DDX24: variants seen among roughly 807,000 people sequenced by gnomAD.
The protein encoded by DDX24 is DEAD-box helicase 24.
In DDX24, 24 loss-of-function variants were observed where a neutral mutation model predicts 68.9. That is an observed-to-expected ratio of 0.35 (90% CI 0.25 to 0.49). The LOEUF is 0.49. Ranked by LOEUF, DDX24 falls within the 20% of genes least tolerant of loss-of-function variation. The probability of loss-of-function intolerance (pLI) is 0.99; values close to 1 mark genes in which losing one functional copy is unlikely to be tolerated. For missense variants in DDX24, 989 were observed against 1,039.0 expected (o/e 0.95, Z 0.66); for synonymous variants, 395 against 385.2 (o/e 1.03, Z -0.30).
intron 2 of DDX24, among the ~76,000 whole-genome samples, chr14:94,072,314 G>A (rs775975861): frequency 1.3e-4 from 20 of 152,222 alleles, no homozygotes; most frequent in Non-Finnish European, 2.8e-4. Flanking sequence ...ACCTGGATGA[G>A]ACTGGAGACT....
At position 94,048,794 on chromosome 14, in the gene DDX24, T is replaced by C. The variant is rs1885332085; in HGVS notation, c.*2397A>G. Reference sequence around the variant, plus strand: ...CAAACACATCACCACCCTGAGCAGATACAGGAGTGGGGAGGGGGCTGTAAC... The same window carrying C: ...CAAACACATCACCACCCTGAGCAGACACAGGAGTGGGGAGGGGGCTGTAAC... On this transcript the variant is annotated 3_prime_UTR_variant, in exon 9 of 9. Coordinates refer to ENST00000621632, the MANE Select transcript of DDX24 (RefSeq NM_020414.4). The C allele has an allele frequency of 6.6e-6, 1 of 152,188 alleles. No individual in the cohort carries two copies. The highest frequency in any genetic ancestry group is 1.5e-5 in the Non-Finnish European group (1 of 68,064). The allele number at this position is 152,188 out of a possible 1,614,324, so 9.4% of individuals were successfully genotyped here. A position where few individuals can be genotyped will look rare whatever the true frequency, so the allele number is the denominator to read the frequency against.
intron 5 of DDX24, among the ~76,000 whole-genome samples, chr14:94,059,428 G>A: frequency 6.6e-6 from 1 of 152,078 alleles, no homozygotes; most frequent in East Asian, 1.9e-4. Flanking sequence ...AGAAACCTTG[G>A]GCACACTGAT....
intron 6 of DDX24, chr14:94,056,906 G>A (rs1455749075): frequency 6.6e-6 from 1 of 152,100 alleles, no homozygotes; most frequent in Non-Finnish European, 1.5e-5. Flanking sequence ...GAGAGAATGG[G>A]AAAAAGCACT....
chr14:94,066,212 T>C (rs1406756014), intron 2 of DDX24, among the ~76,000 whole-genome samples: 3 of 152,124 alleles, frequency 2.0e-5, no homozygotes, highest in Admixed American at 2.0e-4. Context: ...GTGAGGCCCA[T>C]GACTGCTGGC....
intron 2 of DDX24, among the ~76,000 whole-genome samples, chr14:94,063,616 C>T (rs553767089): frequency 5.9e-5 from 9 of 152,178 alleles, no homozygotes; most frequent in African/African-American, 1.7e-4. Flanking sequence ...ACAGTAACTA[C>T]GTAGGTAAAT....
At chr14:94,069,863 G>A (rs1161980770) in intron 2 of DDX24, among the ~76,000 whole-genome samples, 1 of 152,100 alleles carries the variant, frequency 6.6e-6, no homozygotes, top group African/African-American at 2.4e-5. Context: ...ACACCTTAAT[G>A]TAATAAAAGC....
Position 94,053,060 on chromosome 14 carries a change from T to C in DDX24, c.2246A>G (p.Asn749Ser). Residue 749 changes from asparagine (N) to serine (S), a missense_variant, in exon 8 of 9, where the codon AAC becomes AGC. Physicochemically the swap from Asn to Ser is conservative, Grantham distance 46. This residue lies in a region of DDX24 where 691 missense variants were observed against 760.0 expected (regional missense o/e 0.91). Coordinates refer to ENST00000621632, the MANE Select transcript of DDX24 (RefSeq NM_020414.4). ...AGCTGCTGCCTGCTCAATCCAAGAGTTGTGCAGGCAAGCCTGGAAGTTCCG... is the reference window on the plus strand; with the variant it reads ...AGCTGCTGCCTGCTCAATCCAAGAGCTGTGCAGGCAAGCCTGGAAGTTCCG... The part of the protein sequence containing the change: ...EYRNFQACLH[N>S]SWIEQAAAAL... 1 of 1,614,092 alleles carries C rather than the reference T, an allele frequency of 6.2e-7. No homozygotes were observed. Among genetic ancestry groups the C allele is most frequent in the Non-Finnish European group, 8.5e-7 (1 of 1,180,000 alleles).
At chr14:94,061,108 T>C (rs1339561568) in intron 3 of DDX24, 42 bp from the exon 4 acceptor site, 2 of 1,606,014 alleles carry the variant, frequency 1.2e-6, no homozygotes, top group Admixed American at 1.7e-5. Context: ...TCAATCTGGG[T>C]GATCATTTTC....
chr14:94,067,765 G>GT (rs1885734060), intron 2 of DDX24, among the ~76,000 whole-genome samples: 1 of 152,096 alleles, frequency 6.6e-6, no homozygotes, highest in Non-Finnish European at 1.5e-5. Context: ...AGATACAATT[G>GT]TTTTCAGATA....
Position 94,060,158 on chromosome 14 carries a change from T to C in DDX24, c.1853A>G (p.His618Arg). 6.2e-7 allele frequency: 1 copy of C among 1,614,194 alleles called. No individual in the cohort carries two copies. The highest frequency in any genetic ancestry group is 8.5e-7 in the Non-Finnish European group (1 of 1,180,030). Residue 618 changes from histidine to arginine, a missense_variant, in exon 5 of 9, where the codon CAT becomes CGT. Physicochemically the swap from His to Arg is conservative, Grantham distance 29 (BLOSUM62 0). Around this residue, in one of 3 missense-constraint regions of DDX24, gnomAD observed 691 missense variants for 760.0 expected, o/e 0.91. Coordinates refer to ENST00000621632, the MANE Select transcript of DDX24 (RefSeq NM_020414.4). ...CCTCTGCTTCTGGTGCATACAGGCA[T>C]GCAGGGTCAAGGGCATGATATCAAG... Reference protein sequence around the residue: ...KVLDIMPLTLHACMHQKQRLR... With the variant: ...KVLDIMPLTLRACMHQKQRLR...
At chr14:94,058,902 A>G (rs531814277) in intron 5 of DDX24, among the ~76,000 whole-genome samples, 11 of 152,364 alleles carry the variant, frequency 7.2e-5, no homozygotes, top group Admixed American at 2.6e-4. Context: ...TTGACAATAC[A>G]TAAATGGGTC....
At chr14:94,072,784 G>A (rs980662887) in intron 2 of DDX24, among the ~76,000 whole-genome samples, 6 of 152,094 alleles carry the variant, frequency 3.9e-5, no homozygotes, top group African/African-American at 1.4e-4. Flanking sequence ...AGCTGAGATA[G>A]CACTACTGCA....
rs533701768 is a variant in DDX24, at chr14:94,070,487, T to C, written c.719-7866A>G. 7.2e-5 allele frequency among the ~76,000 whole-genome samples: 11 copies of C among 152,292 alleles called. No individual in the cohort carries two copies. The South Asian group carries it at 2.3e-3, about 32-fold the overall frequency. On this transcript the variant is annotated intron_variant, in intron 2 of 8. Transcript: ENST00000621632. ...TCTCATCAAAATACCACCATCATTC[T>C]TCACAGAATTAGAAAAAACAATTCT...
In DDX24 at chr14:94,062,206, G is replaced by A. The variant is rs1214296198; in HGVS notation, c.1134C>T (p.Ala378=). The change falls in exon 3 of 9, where the codon GCC becomes GCT. Residue 378 remains alanine (A), a synonymous_variant. Coordinates refer to ENST00000621632, the MANE Select transcript of DDX24 (RefSeq NM_020414.4). Reference sequence around the variant, plus strand: ...GACGCTTTGGATATGCCTTACAGGTGGCGCTTTTGTCATCCAACTCCTGTT... The same window carrying A: ...GACGCTTTGGATATGCCTTACAGGTAGCGCTTTTGTCATCCAACTCCTGTT... ...NLKQELDDKS[A]TCKAYPKRPL... is the part of the protein sequence containing the mutation. 1.2e-6 allele frequency: 2 copies of A among 1,614,088 alleles called. No homozygotes were observed. Among genetic ancestry groups the A allele is most frequent in the Non-Finnish European group, 1.7e-6 (2 of 1,180,024 alleles).
chr14:94,058,275 A>C (rs745350619), intron 5 of DDX24, among the ~76,000 whole-genome samples: 10 of 152,124 alleles, frequency 6.6e-5, no homozygotes, highest in Admixed American at 1.3e-4. Flanking sequence ...TTCCCCAAAC[A>C]AACCAAGCAT....
chr14:94,062,890 G>A (rs1381733256), intron 2 of DDX24, among the ~76,000 whole-genome samples: 3 of 152,214 alleles, frequency 2.0e-5, no homozygotes, highest in Non-Finnish European at 4.4e-5. Flanking sequence ...ACAATAAAGA[G>A]AGAAAGGGCA....
rs1886014527 is a variant in DDX24, at chr14:94,079,488, C to T, written c.255G>A (p.Glu85=). 6.2e-7 allele frequency: 1 copy of T among 1,613,964 alleles called. No homozygotes were observed. Among genetic ancestry groups the T allele is most frequent in the Admixed American group, 1.7e-5 (1 of 60,022 alleles). Residue 85 remains glutamate, a synonymous_variant, in exon 2 of 9, where the codon GAG becomes GAA. Transcript: ENST00000621632. ...AGCTAGACTTTCCCTCCTCCTCCTCCTCTTCTTCTGAAACAGCTTGTGCCT... is the reference window on the plus strand; with the variant it reads ...AGCTAGACTTTCCCTCCTCCTCCTCTTCTTCTTCTGAAACAGCTTGTGCCT... ...KRKAQAVSEE[E]EEEEGKSSSP... is the part of the protein sequence containing the mutation.
intron 6 of DDX24, chr14:94,057,246 G>A (rs1308338955): frequency 6.6e-6 from 1 of 152,188 alleles, no homozygotes; most frequent in Non-Finnish European, 1.5e-5. Context: ...ATTTTATGCT[G>A]ATATTCACTA....
At chr14:94,053,470 A>G in intron 7 of DDX24, 3 of 201,834 alleles carry the variant, frequency 1.5e-5, no homozygotes, top group Non-Finnish European at 2.9e-5. Flanking sequence ...CAGCCTCCTA[A>G]AGTGTTGGGA....
Sources: gnomAD v4.1 joint callset for allele counts (sites outside exome capture counted in the v4.1 genomes callset) on GRCh38, gnomAD v4.1.1 for gene constraint, gnomAD v4.1.1 regional missense constraint, MANE v1.5 for transcripts, NCBI Gene and HGNC (gene_info 2026-07-23, HGNC 2026-07-21) for gene names.